Variants in PPP1R9A observed in about 807,000 individuals in gnomAD.
PPP1R9A encodes protein phosphatase 1 regulatory subunit 9A.
Under a neutral mutation model 141.9 loss-of-function variants are expected in PPP1R9A, and 59 were observed. The ratio of observed to expected loss-of-function variants is 0.42; its 90% CI spans 0.34 to 0.52. The LOEUF is 0.52. PPP1R9A is among the 20% of genes least tolerant of loss of function. PPP1R9A has a pLI of 0.10. For missense variants in PPP1R9A, 1,444 were observed against 1,611.9 expected, an observed-to-expected ratio of 0.90 and a Z score of 1.78; for synonymous variants, 500 against 569.7, an observed-to-expected ratio of 0.88 and a Z score of 1.74.
chr7:95,061,530 G>A (rs1202880349), intron 2 of PPP1R9A, among the ~76,000 whole-genome samples: 1 of 152,128 alleles, frequency 6.6e-6, no homozygotes, highest in Non-Finnish European at 1.5e-5. Context: ...GAGCCCAAGA[G>A]TTTGAGACCA....
intron 4 of PPP1R9A, among the ~76,000 whole-genome samples, chr7:95,123,624 G>A (rs1227217023): frequency 6.6e-6 from 1 of 152,094 alleles, no homozygotes; most frequent in Non-Finnish European, 1.5e-5. Flanking sequence ...GCTCCAGCCT[G>A]GGGGACAGAA....
chr7:95,261,405 A>G (rs1312586858), intron 12 of PPP1R9A, among the ~76,000 whole-genome samples: 11 of 152,178 alleles, frequency 7.2e-5, no homozygotes, highest in Non-Finnish European at 1.0e-4. Context: ...TTAATACTAT[A>G]CAGTAATCAT....
chr7:95,272,986 C>T (rs1019610098), intron 14 of PPP1R9A, among the ~76,000 whole-genome samples: 8 of 152,140 alleles, frequency 5.3e-5, no homozygotes, highest in South Asian at 2.1e-4. Context: ...TATGCTGAAA[C>T]GTGATGCCGA....
chr7:94,987,501 T>C (rs1290641443), intron 2 of PPP1R9A, among the ~76,000 whole-genome samples: 1 of 152,188 alleles, frequency 6.6e-6, no homozygotes, highest in Non-Finnish European at 1.5e-5. Flanking sequence ...CTACTTCTCA[T>C]AGTGTATTCT....
In PPP1R9A at chr7:95,161,856, T is replaced by G. The variant is rs769694829; in HGVS notation, c.1650-11T>G. On this transcript the variant is annotated splice_polypyrimidine_tract_variant and intron_variant, in intron 4 of 19. Transcript: ENST00000433360. ...GTAATTTATGTGGGTAATTTTTTCC[T>G]CTTTCTAAAGAATACAAGTCAATGA... 6.3e-7 allele frequency: 1 copy of G among 1,575,152 alleles called. No homozygotes were observed. The highest frequency in any genetic ancestry group is 1.2e-5 in the South Asian group (1 of 85,170).
intron 2 of PPP1R9A, among the ~76,000 whole-genome samples, chr7:94,957,189 T>G (rs1399421011): frequency 6.6e-6 from 1 of 152,104 alleles, no homozygotes; most frequent in Non-Finnish European, 1.5e-5. Flanking sequence ...CATCAGATAG[T>G]TGAAGGGAAG....
chr7:95,063,834 T>C (rs1812593924), intron 2 of PPP1R9A, among the ~76,000 whole-genome samples: 1 of 152,220 alleles, frequency 6.6e-6, no homozygotes, highest in Non-Finnish European at 1.5e-5. Context: ...ATGAAATACA[T>C]TATTTAACAT....
intron 2 of PPP1R9A, among the ~76,000 whole-genome samples, chr7:94,951,640 G>A (rs1157069630): frequency 1.3e-5 from 2 of 151,516 alleles, no homozygotes; most frequent in African/African-American, 2.4e-5. Flanking sequence ...AGAGTTTTGC[G>A]TCAATGGTTG....
At chr7:95,198,184 A>G (rs534988799) in intron 5 of PPP1R9A, among the ~76,000 whole-genome samples, 165 bp from the exon 6 acceptor site, 1 of 152,100 alleles carries the variant, frequency 6.6e-6, no homozygotes, top group East Asian at 1.9e-4. Context: ...CTTTAATTGC[A>G]CATCTAAGCT....
chr7:95,205,112 T>C (rs1237735730), intron 7 of PPP1R9A, among the ~76,000 whole-genome samples: 1 of 152,146 alleles, frequency 6.6e-6, no homozygotes, highest in Non-Finnish European at 1.5e-5. Context: ...ATGGAGATGT[T>C]ATTTTTTAAT....
chr7:94,921,445 T>TG (rs1338064287), intron 2 of PPP1R9A, among the ~76,000 whole-genome samples: 1 of 132,222 alleles, frequency 7.6e-6, no homozygotes, highest in African/African-American at 3.0e-5. Context: ...AGACTCCGGC[T>TG]CAAAAAAAAA....
chr7:95,204,633 A>G (rs1445014478), intron 7 of PPP1R9A, among the ~76,000 whole-genome samples: 1 of 143,042 alleles, frequency 7.0e-6, no homozygotes, highest in Non-Finnish European at 1.5e-5. Flanking sequence ...CTCACACCAC[A>G]CATACCCATG....
chr7:95,066,912 T>C (rs1210505700), intron 2 of PPP1R9A, among the ~76,000 whole-genome samples: 9 of 152,328 alleles, frequency 5.9e-5, no homozygotes, highest in Middle Eastern at 3.4e-3. Flanking sequence ...TAGAAATTCT[T>C]ATGCACCAGA....
intron 8 of PPP1R9A, among the ~76,000 whole-genome samples, chr7:95,243,009 G>A (rs1380585198): frequency 1.3e-5 from 2 of 152,140 alleles, no homozygotes; most frequent in Admixed American, 1.3e-4. Context: ...CATGTGGAAA[G>A]GGAACTGCTC....
At chr7:94,985,369 G>A (rs1180643404) in intron 2 of PPP1R9A, among the ~76,000 whole-genome samples, 2 of 152,100 alleles carry the variant, frequency 1.3e-5, no homozygotes, top group Non-Finnish European at 1.5e-5. Flanking sequence ...TTCAAGTCCT[G>A]GATATCCTTG....
At chr7:95,285,007 C>G (rs1805014203) in intron 17 of PPP1R9A, among the ~76,000 whole-genome samples, 1 of 152,164 alleles carries the variant, frequency 6.6e-6, no homozygotes, top group Non-Finnish European at 1.5e-5. Context: ...TTCAACAGCT[C>G]AAAGGGTTTT....
chr7:95,061,463 C>T (rs559659440), intron 2 of PPP1R9A, among the ~76,000 whole-genome samples: 10 of 152,282 alleles, frequency 6.6e-5, no homozygotes, highest in African/African-American at 2.4e-4. Flanking sequence ...GCGCTGGACG[C>T]GGTGGCTCAT....
At chr7:95,114,515 T>C (rs139618287) in intron 3 of PPP1R9A, among the ~76,000 whole-genome samples, 1 of 152,260 alleles carries the variant, frequency 6.6e-6, no homozygotes, top group Admixed American at 6.5e-5. Context: ...GTTTGTTTTA[T>C]TTTTATGCTT....
rs773009142 is a variant in PPP1R9A at position 94,910,904 on chromosome 7, G to A, written c.791G>A (p.Arg264Gln). The A allele has an allele frequency of 1.1e-5, 17 of 1,614,016 alleles. No homozygotes were observed. In the South Asian group the frequency reaches 1.3e-4, roughly 13 times the overall value. Residue 264 changes from arginine to glutamine, a missense_variant, in exon 2 of 20, where the codon CGA (arginine) becomes CAA (glutamine). Around this residue, in one of 5 missense-constraint regions of PPP1R9A, gnomAD observed 490 missense variants for 521.1 expected, o/e 0.94. Coordinates refer to ENST00000433360, the MANE Select transcript of PPP1R9A (RefSeq NM_001166160.2). The surrounding 1 kb of genome is among the most constrained non-coding windows in gnomAD (Gnocchi z 4.5). ...DSNSWPPSNKRGVDTEDAHKS... is the reference protein window; with the variant it reads ...DSNSWPPSNKQGVDTEDAHKS... ...AATTCCTGGCCTCCTTCAAACAAGC[G>A]AGGTGTTGATACAGAGGATGCTCAC...
Sources: allele counts gnomAD v4.1 joint callset (sites outside exome capture counted in the v4.1 genomes callset), GRCh38; gene constraint gnomAD v4.1.1; regional missense constraint gnomAD v4.1.1; non-coding constraint Gnocchi (gnomAD v3.1); transcripts MANE v1.5; gene names NCBI Gene and HGNC (gene_info 2026-07-23, HGNC 2026-07-21).